The following TOX2 variants were observed in gnomAD, a reference collection of about 807,000 sequenced individuals.
The protein encoded by TOX2 is granulosa cell HMG box 1.
A neutral mutation model predicts 47.4 loss-of-function variants in TOX2; 15 were observed. The observed-to-expected ratio is 0.32, with a 90% CI of 0.21 to 0.49. TOX2 has a LOEUF of 0.49. Among genes scored for constraint, TOX2 ranks in the 20% least tolerant of loss-of-function variants. The probability of loss-of-function intolerance (pLI) is 0.99; values close to 1 mark genes in which losing one functional copy is unlikely to be tolerated. For synonymous variants in TOX2, 290 were observed against 296.6 expected, an observed-to-expected ratio of 0.98 and a Z score of 0.23; for missense variants, 622 against 673.1, an observed-to-expected ratio of 0.92 and a Z score of 0.84.
rs751394622 is a variant in TOX2 at position 44,065,985 on chromosome 20, G to A, written c.1234G>A (p.Ala412Thr). The A allele has an allele frequency of 1.5e-5, 24 of 1,612,754 alleles. No homozygotes were observed. Among genetic ancestry groups the A allele is most frequent in the East Asian group, 2.2e-5 (1 of 44,846 alleles). ...LHQQLSLPPH[A>T]QGALLSPPVS... ...CCAGCAGCTGTCACTGCCCCCTCAC[G>A]CCCAGGGCGCCCTCCTCAGTCCACC... Residue 412 changes from alanine (A) to threonine (T), a missense_variant, in exon 7 of 9, where the codon GCC (alanine) becomes ACC (threonine). This residue lies in a region of TOX2 where 294 missense variants were observed against 300.0 expected (regional missense o/e 0.98). Transcript: ENST00000341197.
chr20:44,053,522 C>CATATATATACATATATACT lies in TOX2; in HGVS notation c.652-750_652-732dup, dbSNP rs138825553. On this transcript the variant is annotated intron_variant, in intron 4 of 8. Coordinates refer to ENST00000341197, the MANE Select transcript of TOX2 (RefSeq NM_001098797.2). ...CAGACATATATATACTATATATACA[C>CATATATATACATATATACT]ATATATATACATATATACTATATAT... is the stretch of plus-strand genomic sequence containing the variant. Among the ~76,000 whole-genome samples, 29 of 144,212 alleles carry CATATATATACATATATACT rather than the reference C, an allele frequency of 2.0e-4. No individual in the cohort carries two copies. In the South Asian group the frequency reaches 3.3e-3, roughly 16 times the overall value. 94.6% of individuals were successfully genotyped at this position (144,212 alleles called of 152,430 possible). A position where few individuals can be genotyped will look rare whatever the true frequency, so the allele number is the denominator to read the frequency against.
intron 8 of TOX2, among the ~76,000 whole-genome samples, chr20:44,067,731 C>T (rs988691675): frequency 4.6e-5 from 7 of 152,148 alleles, no homozygotes; most frequent in Non-Finnish European, 8.8e-5. Context: ...GAAGAGTGAC[C>T]TTTCAACAAC....
chr20:43,917,998 C>T (rs1375226343), intron 1 of TOX2, among the ~76,000 whole-genome samples: 2 of 152,122 alleles, frequency 1.3e-5, no homozygotes, highest in Non-Finnish European at 2.9e-5. Flanking sequence ...GAGTGTAACT[C>T]ACAGATTACA....
At chr20:43,972,354 A>G (rs2069989131) in intron 1 of TOX2, among the ~76,000 whole-genome samples, 1 of 152,208 alleles carries the variant, frequency 6.6e-6, no homozygotes, top group Non-Finnish European at 1.5e-5. Context: ...GTCTTCAGGC[A>G]AGACCACATC....
chr20:43,963,642 T>C (rs1345438103), intron 1 of TOX2, among the ~76,000 whole-genome samples: 1 of 152,172 alleles, frequency 6.6e-6, no homozygotes, highest in Non-Finnish European at 1.5e-5. Flanking sequence ...AGAATACGAA[T>C]GTGCGTTGTG....
chr20:43,951,707 G>GTTTTT (rs59829203), intron 1 of TOX2, among the ~76,000 whole-genome samples: 11,598 of 54,776 alleles, frequency 0.21, 3,406 homozygotes, highest in Admixed American at 0.39. Context: ...AACTTATTAT[G>GTTTTT]TTTTTTTTTT....
rs561491549 is a variant in TOX2 at position 44,019,152 on chromosome 20, C to A, written c.411+12360C>A. Among the ~76,000 whole-genome samples the A allele has an allele frequency of 1.4e-4, 21 of 152,346 alleles. No homozygotes were observed. In the East Asian group the frequency reaches 3.8e-3, roughly 28 times the overall value. ...ATGAATGAATGAAAAATAAATGCCT[C>A]TGTAAACACCTCAAACATCATTTTT... On this transcript the variant is annotated intron_variant, in intron 3 of 8. Transcript: ENST00000341197.
rs1054731557 is a variant in TOX2 at position 43,924,813 on chromosome 20, A to G, written c.99+9823A>G. Among the ~76,000 whole-genome samples, 5 of 152,176 alleles carry G rather than the reference A, an allele frequency of 3.3e-5. No homozygotes were observed. In the South Asian group the frequency reaches 8.3e-4, roughly 25 times the overall value. On this transcript the variant is annotated intron_variant, in intron 1 of 8. Transcript: ENST00000341197. ...ATTTTGCTCTTTGTAAGACACACAG[A>G]AGTATTTTAGAAGAGGAAAGACACA...
At chr20:43,933,870 TG>T (rs973905906) in intron 1 of TOX2, among the ~76,000 whole-genome samples, 4 of 151,996 alleles carry the variant, frequency 2.6e-5, no homozygotes. Flanking sequence ...GTGGAACTCG[TG>T]GTCATCCAGT....
chr20:43,930,397 A>C (rs1270109039), intron 1 of TOX2, among the ~76,000 whole-genome samples: 1 of 152,230 alleles, frequency 6.6e-6, no homozygotes, highest in African/African-American at 2.4e-5. Context: ...TTGTAGAAAC[A>C]TGCCAGGCCC....
chr20:43,978,352 C>T (rs1028522628), intron 2 of TOX2, among the ~76,000 whole-genome samples: 10 of 152,200 alleles, frequency 6.6e-5, no homozygotes, highest in African/African-American at 2.4e-4. Flanking sequence ...CATGTCCTGC[C>T]TCCCTCCCGC....
chr20:44,053,598 A>C (rs1328289789), intron 4 of TOX2, among the ~76,000 whole-genome samples: 1 of 75,238 alleles, frequency 1.3e-5, no homozygotes, highest in Admixed American at 1.5e-4. Flanking sequence ...ATATACACAC[A>C]CATATATATA....
intron 1 of TOX2, chr20:43,945,863 G>C: frequency 6.2e-7 from 1 of 1,603,360 alleles, no homozygotes; most frequent in Non-Finnish European, 8.5e-7. Context: ...TGTCAGGAGG[G>C]CTTATAAAGC....
intron 4 of TOX2, 98 bp downstream of exon 4, chr20:44,051,643 A>G: frequency 6.7e-7 from 1 of 1,481,708 alleles, no homozygotes; most frequent in Non-Finnish European, 9.0e-7. Flanking sequence ...AGTAAAGACT[A>G]GAAAAGCCTG....
At chr20:44,045,372 G>A (rs1411576439) in intron 3 of TOX2, among the ~76,000 whole-genome samples, 1 of 152,092 alleles carries the variant, frequency 6.6e-6, no homozygotes, top group Non-Finnish European at 1.5e-5. Flanking sequence ...CCTAGACAAA[G>A]ACGTGTACTC....
intron 1 of TOX2, among the ~76,000 whole-genome samples, chr20:43,963,234 T>G (rs2069792638): frequency 6.6e-6 from 1 of 152,160 alleles, no homozygotes; most frequent in Admixed American, 6.5e-5. Flanking sequence ...TGTGGTGCTA[T>G]AGTGACCACT....
intron 2 of TOX2, among the ~76,000 whole-genome samples, chr20:44,005,026 T>C (rs1325795399): frequency 2.0e-5 from 3 of 152,266 alleles, no homozygotes; most frequent in Admixed American, 1.3e-4. Flanking sequence ...ATCTGATCGT[T>C]ATGCATTATT....
intron 3 of TOX2, among the ~76,000 whole-genome samples, chr20:44,049,064 C>T (rs765475612): frequency 2.0e-5 from 3 of 152,200 alleles, no homozygotes; most frequent in Non-Finnish European, 4.4e-5. Flanking sequence ...GCCAAGATCG[C>T]GCCACTGCAC....
At chr20:43,971,764 AAAG>A (rs1479231465) in intron 1 of TOX2, among the ~76,000 whole-genome samples, 1 of 152,224 alleles carries the variant, frequency 6.6e-6, no homozygotes, top group Non-Finnish European at 1.5e-5. Context: ...GGTACAGAAA[AAAG>A]AACTATGTTC....
Sources: allele counts gnomAD v4.1 joint callset (sites outside exome capture counted in the v4.1 genomes callset), GRCh38; gene constraint gnomAD v4.1.1; regional missense constraint gnomAD v4.1.1; transcripts MANE v1.5; gene names NCBI Gene and HGNC (gene_info 2026-07-23, HGNC 2026-07-21).